The following CPVL variants were observed in gnomAD, a reference collection of about 807,000 sequenced individuals.
CPVL encodes the protein carboxypeptidase vitellogenic like, also known as probable serine carboxypeptidase CPVL.
CPVL carries 51 observed loss-of-function variants against 63.7 expected under a neutral mutation model. That is an observed-to-expected ratio of 0.80 (90% CI 0.64 to 1.01). CPVL has a LOEUF of 1.01. CPVL is among the 50% of genes least tolerant of loss of function. CPVL has a pLI of 0.00. For synonymous variants in CPVL, 195 were observed against 206.0 expected, an observed-to-expected ratio of 0.95 and a Z score of 0.46; for missense variants, 530 against 573.1, an observed-to-expected ratio of 0.92 and a Z score of 0.77.
chr7:29,146,515 G>A lies in CPVL; in HGVS notation c.-97C>T, dbSNP rs1584404375. 3 of 1,475,836 alleles carry A rather than the reference G, an allele frequency of 2.0e-6. No individual in the cohort carries two copies. In the East Asian group the frequency reaches 7.5e-5, roughly 37 times the overall value. The allele number at this position is 1,475,836 out of a possible 1,614,324, so 91.4% of individuals were successfully genotyped here. A position where few individuals can be genotyped will look rare whatever the true frequency, so the allele number is the denominator to read the frequency against. On this transcript the variant is annotated 5_prime_UTR_variant, in exon 1 of 13. Transcript: ENST00000265394. ...GCAGCGCTTCCCAAATCAGGCAGAA[G>A]TGAGGCAGCCCCACCCAGTCACGAG...
intron 5 of CPVL, among the ~76,000 whole-genome samples, chr7:29,161,125 T>C (rs1795116168): frequency 6.6e-6 from 1 of 152,166 alleles, no homozygotes; most frequent in Non-Finnish European, 1.5e-5. Context: ...ACCTTATCTA[T>C]GATGAGCAAG....
chr7:29,123,943 T>C (rs1182686736), intron 1 of CPVL, among the ~76,000 whole-genome samples: 5 of 152,116 alleles, frequency 3.3e-5, no homozygotes, highest in South Asian at 4.2e-4. Context: ...AAAGTAAGAA[T>C]TGGGTCAATT....
chr7:29,090,726 T>A (rs980849580), intron 6 of CPVL, among the ~76,000 whole-genome samples: 15 of 152,216 alleles, frequency 9.9e-5, no homozygotes, highest in African/African-American at 3.6e-4. Context: ...GCATTGTGAC[T>A]AAATAGCATA....
chr7:29,085,626 T>C (rs1222937045), intron 7 of CPVL, among the ~76,000 whole-genome samples: 1 of 152,226 alleles, frequency 6.6e-6, no homozygotes, highest in African/African-American at 2.4e-5. Flanking sequence ...TGAATGGTCT[T>C]TAATTATGAG....
At chr7:29,013,330 A>C (rs1786048306) in intron 12 of CPVL, 1 of 152,182 alleles carries the variant, frequency 6.6e-6, no homozygotes, top group Non-Finnish European at 1.5e-5. Flanking sequence ...CACTCAATCC[A>C]CATATTTGTG....
intron 7 of CPVL, among the ~76,000 whole-genome samples, chr7:29,073,295 T>C (rs1244188990): frequency 6.6e-6 from 1 of 152,224 alleles, no homozygotes; most frequent in Non-Finnish European, 1.5e-5. Flanking sequence ...CAGCCAAGCT[T>C]GTCAGCTCTA....
At chr7:29,111,842 A>G (rs1466306643) in intron 3 of CPVL, among the ~76,000 whole-genome samples, 1 of 152,264 alleles carries the variant, frequency 6.6e-6, no homozygotes, top group Non-Finnish European at 1.5e-5. Flanking sequence ...ATGAAAATAT[A>G]AATAACACCC....
At chr7:28,999,209 C>T (rs1784373110) in intron 12 of CPVL, among the ~76,000 whole-genome samples, 1 of 152,134 alleles carries the variant, frequency 6.6e-6, no homozygotes, top group Non-Finnish European at 1.5e-5. Flanking sequence ...GAGACTCCAC[C>T]TCAAAAACAA....
intron 5 of CPVL, among the ~76,000 whole-genome samples, chr7:29,170,979 C>T (rs1171942227): frequency 6.6e-6 from 1 of 152,136 alleles, no homozygotes; most frequent in East Asian, 1.9e-4. Flanking sequence ...CCACGGGGTC[C>T]CTCCCACAAC....
At chr7:29,142,165 G>A (rs1791961702) in intron 1 of CPVL, among the ~76,000 whole-genome samples, 1 of 152,136 alleles carries the variant, frequency 6.6e-6, no homozygotes, top group African/African-American at 2.4e-5. Context: ...TAGGAACTGT[G>A]GTCAATTATT....
intron 12 of CPVL, among the ~76,000 whole-genome samples, chr7:29,002,866 C>CAAAAAAAA (rs373207674): frequency 3.2e-5 from 4 of 124,298 alleles, no homozygotes; most frequent in African/African-American, 6.3e-5. Context: ...TATGAAAATT[C>CAAAAAAAA]AAAAAAAAAA....
intron 5 of CPVL, chr7:29,181,161 T>TGGAATGAA (rs1205092107): frequency 6.6e-6 from 1 of 152,260 alleles, no homozygotes; most frequent in Non-Finnish European, 1.5e-5. Flanking sequence ...TGGTGAGTTC[T>TGGAATGAA]GGAATGAATA....
intron 11 of CPVL, among the ~76,000 whole-genome samples, chr7:29,038,221 A>C (rs1054340973): frequency 5.9e-5 from 9 of 152,114 alleles, no homozygotes; most frequent in African/African-American, 2.2e-4. Context: ...CTAACAGCCA[A>C]AGTGATGGTG....
chr7:28,995,916 G>A (rs751767950), intron 12 of CPVL, 34 bp from the exon 13 acceptor site: 4 of 1,215,306 alleles, frequency 3.3e-6, no homozygotes, highest in Non-Finnish European at 4.7e-6. Context: ...CGGAAATTTA[G>A]AGAAATGGAT....
At chr7:29,047,315 C>A (rs1457967771) in intron 11 of CPVL, among the ~76,000 whole-genome samples, 2 of 152,070 alleles carry the variant, frequency 1.3e-5, no homozygotes, top group South Asian at 2.1e-4. Context: ...TACAAGAAGT[C>A]AAGGGAAATA....
At chr7:29,112,294 T>C (rs1430002328) in intron 3 of CPVL, among the ~76,000 whole-genome samples, 2 of 152,164 alleles carry the variant, frequency 1.3e-5, no homozygotes, top group African/African-American at 2.4e-5. Context: ...TGACTAGATA[T>C]AAACATACTT....
In CPVL at chr7:29,045,937, G is replaced by C. The variant is rs62442598; in HGVS notation, c.1138-15178C>G. ...AAGTAAATAGAACTCTAATGACCTGGGTGTTAAGATTTCAGTCTGGTAGTG... is the reference window on the plus strand; with the variant it reads ...AAGTAAATAGAACTCTAATGACCTGCGTGTTAAGATTTCAGTCTGGTAGTG... On this transcript the variant is annotated intron_variant, in intron 11 of 12. Transcript: ENST00000265394. 4.9e-3 allele frequency among the ~76,000 whole-genome samples: 746 copies of C among 152,184 alleles called. 1 individual carries two copies. Among genetic ancestry groups the C allele is most frequent in the Middle Eastern group, 0.014 (4 of 294 alleles).
intron 1 of CPVL, chr7:29,194,925 G>T (rs757815191): frequency 1.3e-6 from 2 of 1,556,244 alleles, no homozygotes; most frequent in Admixed American, 1.9e-5. Context: ...GAGCAGCGAC[G>T]CGAGGGGCGC....
In CPVL at chr7:29,066,024, G is replaced by T; in HGVS notation, c.962C>A (p.Thr321Lys). The change falls in exon 10 of 13, where the codon ACG (threonine) becomes AAG (lysine). Residue 321 changes from threonine (T) to lysine (K), a missense_variant and splice_region_variant. Coordinates refer to ENST00000265394, the MANE Select transcript of CPVL (RefSeq NM_031311.5). ...TTATGGTTTTTAAAATGTCATTACC[G>T]TGCACCGCAAAAAGTTATAGTAATT... ...CSNYYNFLRC[T>K]EPEDQLYYVK... 1 of 1,558,938 alleles carries T rather than the reference G, an allele frequency of 6.4e-7. No homozygotes were observed. Among genetic ancestry groups the T allele is most frequent in the Non-Finnish European group, 8.8e-7 (1 of 1,140,654 alleles).
Sources: gnomAD v4.1 joint callset for allele counts (sites outside exome capture counted in the v4.1 genomes callset) on GRCh38, gnomAD v4.1.1 for gene constraint, MANE v1.5 for transcripts, NCBI Gene and HGNC (gene_info 2026-07-23, HGNC 2026-07-21) for gene names.